The following BCAR1 variants were observed in gnomAD, a reference collection of about 807,000 sequenced individuals.
BCAR1 encodes the protein breast cancer anti-estrogen resistance protein 1.
Under a neutral mutation model 67.6 loss-of-function variants are expected in BCAR1, and 30 were observed. That is an observed-to-expected ratio of 0.44 (90% CI 0.33 to 0.60). BCAR1 has a LOEUF of 0.60. Ranked by LOEUF, BCAR1 falls within the 20% of genes least tolerant of loss-of-function variation. The pLI, the probability that BCAR1 is intolerant of heterozygous loss-of-function variation, is 0.02. For missense variants in BCAR1, 1,313 were observed against 1,222.3 expected (o/e 1.07, Z -1.11); for synonymous variants, 626 against 556.7 (o/e 1.12, Z -1.75).
upstream of BCAR1, chr16:75,252,485 C>G (rs938717069): frequency 3.3e-5 from 44 of 1,318,564 alleles, no homozygotes; most frequent in Non-Finnish European, 4.4e-5. Context: ...GCCCCTTGCT[C>G]GGTTGCAGGT....
chr16:75,230,493 T>G (rs1348632606), intron 6 of BCAR1, among the ~76,000 whole-genome samples: 1 of 152,148 alleles, frequency 6.6e-6, no homozygotes, highest in Non-Finnish European at 1.5e-5. Flanking sequence ...AACATACACA[T>G]TATAAAAAGA....
rs375788352 is a variant in BCAR1, at chr16:75,229,654, G to A, written c.2470C>T (p.Arg824Cys). Reference sequence around the variant, plus strand: ...GCCTTGGTGGTGGCCACGATGCCGCGCAGGAGGTCGCACAGCAGGTTGCTG... The same window carrying A: ...GCCTTGGTGGTGGCCACGATGCCGCACAGGAGGTCGCACAGCAGGTTGCTG... Reference protein sequence around the residue: ...HYSNLLCDLLRGIVATTKAAA... With the variant: ...HYSNLLCDLLCGIVATTKAAA... Residue 824 changes from arginine to cysteine, a missense_variant, in exon 7 of 7, where the codon CGC (arginine) becomes TGC (cysteine). Coordinates refer to ENST00000162330, the MANE Select transcript of BCAR1 (RefSeq NM_014567.5). 9.9e-6 allele frequency: 16 copies of A among 1,612,614 alleles called. No homozygotes were observed. Among genetic ancestry groups the A allele is most frequent in the African/African-American group, 2.7e-5 (2 of 74,940 alleles).
chr16:75,238,469 C>T (rs13337017), intron 2 of BCAR1: 106,682 of 1,008,408 alleles, frequency 0.11, 6,352 homozygotes, highest in East Asian at 0.35. Context: ...TGCCCCTGAA[C>T]CCCTAGAGGC....
chr16:75,236,684 G>A, intron 4 of BCAR1, 198 bp downstream of exon 4: 1 of 1,151,756 alleles, frequency 8.7e-7, no homozygotes, highest in African/African-American at 1.6e-5. Flanking sequence ...GCAACAGGCG[G>A]TTCTGCCGAC....
At chr16:75,249,849 C>T (rs958431952) in intron 1 of BCAR1, 49 of 152,290 alleles carry the variant, frequency 3.2e-4, no homozygotes, top group African/African-American at 1.0e-3. Flanking sequence ...CAATCCCAGA[C>T]TGGGAATTCG....
intron 6 of BCAR1, among the ~76,000 whole-genome samples, chr16:75,231,396 T>C (rs2076895335): frequency 2.0e-5 from 3 of 152,194 alleles, no homozygotes; most frequent in African/African-American, 7.2e-5. Context: ...TTTTTATTCT[T>C]TGACAACTCT....
intron 1 of BCAR1, chr16:75,243,393 A>G: frequency 1.6e-6 from 1 of 610,656 alleles, no homozygotes; most frequent in Non-Finnish European, 3.1e-6. Flanking sequence ...GCCCCACCCA[A>G]GGCCACTCTG....
Position 75,229,557 on chromosome 16 carries a change from C to T in BCAR1, c.2567G>A (p.Ser856Asn), listed in dbSNP as rs1351223046. Residue 856 changes from serine (S) to asparagine (N), a missense_variant, in exon 7 of 7, where the codon AGC becomes AAC. Coordinates refer to ENST00000162330, the MANE Select transcript of BCAR1 (RefSeq NM_014567.5). Reference protein sequence around the residue: ...MVERVKELGHSTQQFRRVLGQ... With the variant: ...MVERVKELGHNTQQFRRVLGQ... Reference sequence around the variant, plus strand: ...TAGGACGCGGCGGAACTGCTGGGTGCTGTGGCCCAGCTCCTTGACCCTCTC... The same window carrying T: ...TAGGACGCGGCGGAACTGCTGGGTGTTGTGGCCCAGCTCCTTGACCCTCTC... The T allele has an allele frequency of 6.2e-7, 1 of 1,605,610 alleles. No individual in the cohort carries two copies. The highest frequency in any genetic ancestry group is 8.5e-7 in the Non-Finnish European group (1 of 1,177,032).
At chr16:75,255,597 G>A (rs934204157), upstream of BCAR1, among the ~76,000 whole-genome samples, 3 of 152,120 alleles carry the variant, frequency 2.0e-5, no homozygotes, top group African/African-American at 7.2e-5. Context: ...TCAGGAGGCT[G>A]AGGCAGGATA....
chr16:75,240,883 G>A (rs1367540802), intron 2 of BCAR1, among the ~76,000 whole-genome samples: 7 of 152,364 alleles, frequency 4.6e-5, no homozygotes, highest in Non-Finnish European at 8.8e-5. Context: ...GCCCCCTGCC[G>A]GAGACGGAGA....
At chr16:75,263,108 GC>G (rs2077940722) in intron 1 of BCAR1, 16 of 740,152 alleles carry the variant, frequency 2.2e-5, no homozygotes, top group Non-Finnish European at 2.5e-5. Context: ...AGCACACAGG[GC>G]GGCATCCCTG....
intron 2 of BCAR1, among the ~76,000 whole-genome samples, chr16:75,240,516 T>C (rs992887493): frequency 3.3e-5 from 5 of 152,226 alleles, no homozygotes; most frequent in Admixed American, 3.3e-4. Context: ...ATTTACAACT[T>C]TGAAATGCAA....
intron 1 of BCAR1, among the ~76,000 whole-genome samples, chr16:75,263,081 T>A (rs1232336132): frequency 6.6e-6 from 1 of 151,850 alleles, no homozygotes; most frequent in Non-Finnish European, 1.5e-5. Context: ...GCCTGTGAGG[T>A]CCTGAGCCCA....
chr16:75,266,698 C>A, intron 1 of BCAR1: 1 of 1,378,516 alleles, frequency 7.3e-7, no homozygotes, highest in South Asian at 1.7e-5. Context: ...TAGGCCCAGG[C>A]ACTGAGATCC....
At chr16:75,238,886 T>C in intron 2 of BCAR1, 1 of 985,154 alleles carries the variant, frequency 1.0e-6, no homozygotes, top group East Asian at 1.1e-4. Context: ...CCTCCCAGCC[T>C]CCCAAAGGCA....
At position 75,236,920 on chromosome 16, in the gene BCAR1, T is replaced by C. The variant is rs2077159340; in HGVS notation, c.874A>G (p.Ser292Gly). 2 of 1,611,672 alleles carry C rather than the reference T, an allele frequency of 1.2e-6. No individual in the cohort carries two copies. The highest frequency in any genetic ancestry group is 1.3e-5 in the African/African-American group (1 of 74,856). ...GACGGTGGCAGGCCCTTCTCCACACTGGGGGGCACGTCATACACCTCCAGC... is the reference window on the plus strand; with the variant it reads ...GACGGTGGCAGGCCCTTCTCCACACCGGGGGGCACGTCATACACCTCCAGC... The part of the protein sequence containing the change: ...PLLEVYDVPP[S>G]VEKGLPPSNH... The change falls in exon 4 of 7, where the codon AGT becomes GGT. Residue 292 changes from serine (S) to glycine (G), a missense_variant. Physicochemically the swap from Ser to Gly is moderately conservative, Grantham distance 56. Transcript: ENST00000162330.
chr16:75,235,764 G>A lies in BCAR1; in HGVS notation c.1135C>T (p.Arg379Trp), dbSNP rs138576117. The change falls in exon 5 of 7, where the codon CGG (arginine) becomes TGG (tryptophan). Residue 379 changes from arginine (R) to tryptophan (W), a missense_variant. By Grantham distance (101) the Arg-to-Trp change is moderately radical. This residue lies in a region of BCAR1 where 1,272 missense variants were observed against 1,137.5 expected (regional missense o/e 1.12). Coordinates refer to ENST00000162330, the MANE Select transcript of BCAR1 (RefSeq NM_014567.5). The part of the protein sequence containing the change: ...PDLYDVPPGL[R>W]RPGPGTLYDV... ...TACAGGGTGCCCGGGCCAGGCCGCC[G>A]CAAGCCAGGGGGCACGTCGTAGAGG... 6.5e-5 allele frequency: 103 copies of A among 1,591,930 alleles called. No homozygotes were observed. The highest frequency in any genetic ancestry group is 7.4e-5 in the Non-Finnish European group (87 of 1,168,606).
intron 1 of BCAR1, chr16:75,267,861 G>C (rs144675155): frequency 0.029 from 44,991 of 1,543,218 alleles, 1,024 homozygotes; most frequent in Middle Eastern, 0.1. Context: ...TAGGGCATCA[G>C]TAACTCAGCC....
intron 1 of BCAR1, chr16:75,265,337 G>A (rs1567628374): frequency 6.6e-6 from 1 of 152,396 alleles, no homozygotes; most frequent in Non-Finnish European, 1.5e-5. Flanking sequence ...GGAGTCCCGG[G>A]AGCGCCGCAG....
Sources: gnomAD v4.1 joint callset for allele counts (sites outside exome capture counted in the v4.1 genomes callset) on GRCh38, gnomAD v4.1.1 for gene constraint, gnomAD v4.1.1 regional missense constraint, MANE v1.5 for transcripts, NCBI Gene and HGNC (gene_info 2026-07-23, HGNC 2026-07-21) for gene names.